Variants in UVRAG observed in about 807,000 individuals in gnomAD.
UVRAG encodes UV radiation resistance associated.
A neutral mutation model predicts 78.0 loss-of-function variants in UVRAG; 19 were observed. The ratio of observed to expected loss-of-function variants is 0.24; its 90% CI spans 0.17 to 0.36. The LOEUF is 0.36. UVRAG is among the 10% of genes least tolerant of loss of function. UVRAG has a pLI of 1.00. For missense variants in UVRAG, 740 were observed against 853.8 expected (o/e 0.87, Z 1.66); for synonymous variants, 323 against 324.6 (o/e 1.00, Z 0.05).
Position 75,888,881 on chromosome 11 carries a change from A to G in UVRAG, c.485A>G (p.Tyr162Cys), listed in dbSNP as rs1296693141. The G allele has an allele frequency of 3.1e-6, 5 of 1,613,510 alleles. No homozygotes were observed. Among genetic ancestry groups the G allele is most frequent in the East Asian group, 2.2e-5 (1 of 44,826 alleles). Residue 162 changes from tyrosine (Y) to cysteine (C), a missense_variant, in exon 5 of 15, where the codon TAT (tyrosine) becomes TGT (cysteine). Transcript: ENST00000356136. ...EIIFGLNDGY[Y>C]GAPFEHKGYS... ...ATTTTTGGGCTGAATGATGGATACT[A>G]TGGTGCTCCATTTGAACATAAGGTA... is the stretch of plus-strand genomic sequence containing the variant.
chr11:75,842,438 C>G (rs978130568), intron 1 of UVRAG, among the ~76,000 whole-genome samples: 1 of 145,142 alleles, frequency 6.9e-6, no homozygotes, highest in Admixed American at 6.9e-5. Context: ...CCTGCCTTTT[C>G]TTTCTTTTTT....
chr11:75,965,169 A>G (rs1487045285), intron 7 of UVRAG, among the ~76,000 whole-genome samples: 3 of 152,272 alleles, frequency 2.0e-5, no homozygotes. Context: ...AGCTGTAGAT[A>G]AAATTGTGGA....
At chr11:76,064,169 T>A (rs1951144641) in intron 12 of UVRAG, among the ~76,000 whole-genome samples, 1 of 152,212 alleles carries the variant, frequency 6.6e-6, no homozygotes, top group Non-Finnish European at 1.5e-5. Flanking sequence ...AATTTACTCT[T>A]CTAACATACG....
rs563627854 is a variant in UVRAG, at chr11:75,859,972, G to T, written c.236-1774G>T. Among the ~76,000 whole-genome samples the T allele has an allele frequency of 7.9e-5, 12 of 152,268 alleles. No homozygotes were observed. The South Asian group carries it at 8.3e-4, about 11-fold the overall frequency. On this transcript the variant is annotated intron_variant, in intron 2 of 14. Transcript: ENST00000356136. Reference sequence around the variant, plus strand: ...TTATTTATTTATTTATTTTGAGATGGAGTTTTGCTCTCGCTCAGGCTGAAG... The same window carrying T: ...TTATTTATTTATTTATTTTGAGATGTAGTTTTGCTCTCGCTCAGGCTGAAG...
At chr11:75,847,896 G>A (rs1308586508) in intron 1 of UVRAG, among the ~76,000 whole-genome samples, 3 of 151,662 alleles carry the variant, frequency 2.0e-5, no homozygotes, top group African/African-American at 7.3e-5. Flanking sequence ...GCTTGAACCC[G>A]GGAGGCGGAG....
chr11:76,002,402 G>T (rs1052647986), intron 8 of UVRAG, among the ~76,000 whole-genome samples: 4 of 152,096 alleles, frequency 2.6e-5, no homozygotes, highest in Non-Finnish European at 5.9e-5. Flanking sequence ...CTTGAGGGGA[G>T]GTCATGTAAT....
chr11:76,098,669 G>A (rs1053022759), intron 13 of UVRAG, among the ~76,000 whole-genome samples: 1 of 152,144 alleles, frequency 6.6e-6, no homozygotes, highest in Non-Finnish European at 1.5e-5. Context: ...ATCATAATGT[G>A]CTCAAAGATG....
At chr11:76,128,502 G>T (rs919671169) in intron 14 of UVRAG, among the ~76,000 whole-genome samples, 3 of 152,192 alleles carry the variant, frequency 2.0e-5, no homozygotes, top group Non-Finnish European at 4.4e-5. Flanking sequence ...TTTCAAGAAG[G>T]CTTAGCAATA....
intron 1 of UVRAG, among the ~76,000 whole-genome samples, chr11:75,818,946 C>A (rs1057283511): frequency 1.3e-5 from 2 of 152,102 alleles, no homozygotes; most frequent in Admixed American, 1.3e-4. Flanking sequence ...CATGTTTAGC[C>A]ACATCCCAAG....
intron 2 of UVRAG, among the ~76,000 whole-genome samples, chr11:75,853,776 A>AT: frequency 6.6e-6 from 1 of 151,670 alleles, no homozygotes; most frequent in South Asian, 2.1e-4. Context: ...TTATTTATTT[A>AT]TTTATTTATT....
chr11:76,047,661 T>A (rs926358917), intron 12 of UVRAG, among the ~76,000 whole-genome samples: 1 of 152,256 alleles, frequency 6.6e-6, no homozygotes, highest in African/African-American at 2.4e-5. Context: ...GTATAGCTGT[T>A]ATCTTTTTTG....
chr11:76,039,899 AG>A (rs1950610491), intron 12 of UVRAG, among the ~76,000 whole-genome samples: 1 of 152,212 alleles, frequency 6.6e-6, no homozygotes, highest in Non-Finnish European at 1.5e-5. Flanking sequence ...ATAAATAAAA[AG>A]GGTGAAAGAC....
intron 12 of UVRAG, among the ~76,000 whole-genome samples, chr11:76,039,107 T>C (rs1476415770): frequency 5.9e-5 from 9 of 152,148 alleles, no homozygotes; most frequent in Non-Finnish European, 4.4e-5. Flanking sequence ...ACTAATATAT[T>C]GTGTGACTTT....
intron 13 of UVRAG, among the ~76,000 whole-genome samples, chr11:76,098,949 G>A (rs1290566874): frequency 6.6e-6 from 1 of 152,090 alleles, no homozygotes; most frequent in Non-Finnish European, 1.5e-5. Context: ...TCCCAGACAT[G>A]CATCCACACA....
At chr11:75,927,177 C>T (rs1190807726) in intron 6 of UVRAG, among the ~76,000 whole-genome samples, 1 of 151,540 alleles carries the variant, frequency 6.6e-6, no homozygotes, top group African/African-American at 2.4e-5. Context: ...TCAAGCAATT[C>T]TCCTGCCTCA....
chr11:76,129,143 A>G (rs1379213020), intron 14 of UVRAG, among the ~76,000 whole-genome samples: 2 of 152,242 alleles, frequency 1.3e-5, no homozygotes, highest in African/African-American at 4.8e-5. Flanking sequence ...GAGGGGTTAC[A>G]TAACTTAATG....
At position 76,144,020 on chromosome 11, in the gene UVRAG, A is replaced by G. The variant is rs17134603; in HGVS notation, c.*2607A>G. On this transcript the variant is annotated 3_prime_UTR_variant, in exon 15 of 15. Coordinates refer to ENST00000356136, the MANE Select transcript of UVRAG (RefSeq NM_003369.4). ...CTTAACCACTTTAGAAATTCCAGAG[A>G]TTTTTTTCCCCTCAGAATATTAGTT... Among the ~76,000 whole-genome samples, 10,311 of 152,114 alleles carry G rather than the reference A, an allele frequency of 0.068. 673 individuals carry two copies. Among genetic ancestry groups the G allele is most frequent in the African/African-American group, 0.17 (6,983 of 41,458 alleles).
rs12288019 is a variant in UVRAG, at chr11:75,905,589, G to A, written c.508-6365G>A. Among the ~76,000 whole-genome samples the A allele has an allele frequency of 4.8e-3, 727 of 152,180 alleles. 6 individuals carry two copies. Among genetic ancestry groups the A allele is most frequent in the African/African-American group, 0.017 (693 of 41,512 alleles). On this transcript the variant is annotated intron_variant, in intron 5 of 14. Transcript: ENST00000356136. ...TTTTTTCACTTAGTGTAATGTTTTGGTGTTGCATCTACATGTAGGAAGGAA... is the reference window on the plus strand; with the variant it reads ...TTTTTTCACTTAGTGTAATGTTTTGATGTTGCATCTACATGTAGGAAGGAA...
At position 75,870,097 on chromosome 11, in the gene UVRAG, T is replaced by G. The variant is rs7115258; in HGVS notation, c.270+8317T>G. Among the ~76,000 whole-genome samples the G allele has an allele frequency of 2.5e-3, 375 of 152,296 alleles. 2 individuals are homozygous for G. The highest frequency in any genetic ancestry group is 8.7e-3 in the African/African-American group (360 of 41,564). The stretch of plus-strand genomic sequence containing the variant: ...AATATAAATAAAAAAATCATCTGGG[T>G]CTATATAGTAAAAATAGTAGGCTAT... On this transcript the variant is annotated intron_variant, in intron 3 of 14. Transcript: ENST00000356136.
Sources: allele counts gnomAD v4.1 joint callset (sites outside exome capture counted in the v4.1 genomes callset), GRCh38; gene constraint gnomAD v4.1.1; transcripts MANE v1.5; gene names NCBI Gene and HGNC (gene_info 2026-07-23, HGNC 2026-07-21).